PDE4D: variants seen among roughly 807,000 people sequenced by gnomAD.
PDE4D encodes 3',5'-cyclic-AMP phosphodiesterase 4D.
PDE4D carries 24 observed loss-of-function variants against 87.4 expected under a neutral mutation model. The ratio of observed to expected loss-of-function variants is 0.27; its 90% CI spans 0.20 to 0.39. The LOEUF is 0.39. PDE4D is among the 10% of genes least tolerant of loss of function. PDE4D has a pLI of 1.00. For missense variants in PDE4D, 714 were observed against 1,041.0 expected, an observed-to-expected ratio of 0.69 and a Z score of 4.32; for synonymous variants, 384 against 383.2, an observed-to-expected ratio of 1.00 and a Z score of -0.02.
chr5:59,999,892 A>T (rs1022729185), intron 2 of PDE4D, among the ~76,000 whole-genome samples: 30 of 152,098 alleles, frequency 2.0e-4, no homozygotes, highest in African/African-American at 7.2e-4. Context: ...CAAACTTCAA[A>T]AAGAAAACAA....
intron 5 of PDE4D, among the ~76,000 whole-genome samples, chr5:59,132,936 ATTTC>A (rs1388959176): frequency 6.6e-6 from 1 of 152,152 alleles, no homozygotes; most frequent in African/African-American, 2.4e-5. Flanking sequence ...TGCACCAGGG[ATTTC>A]TTTATTTCTT....
intron 1 of PDE4D, among the ~76,000 whole-genome samples, chr5:59,267,954 G>C (rs1451280567): frequency 1.3e-5 from 2 of 152,050 alleles, no homozygotes; most frequent in East Asian, 3.9e-4. Context: ...TCTACACTGA[G>C]TTTCATTAAT....
intron 1 of PDE4D, among the ~76,000 whole-genome samples, chr5:59,880,735 C>T (rs1475304641): frequency 6.6e-6 from 1 of 152,140 alleles, no homozygotes; most frequent in Non-Finnish European, 1.5e-5. Flanking sequence ...TCACATTCTA[C>T]CAGGGAGTAA....
chr5:59,890,254 TACACACACAC>T (rs56258601), intron 1 of PDE4D, among the ~76,000 whole-genome samples: 6,608 of 145,188 alleles, frequency 0.046, 223 homozygotes, highest in African/African-American at 0.09. Context: ...GGTGCGCACG[TACACACACAC>T]ACACACACAC....
intron 1 of PDE4D, chr5:59,587,162 T>C (rs562562420): frequency 7.9e-4 from 205 of 260,044 alleles, no homozygotes; most frequent in Non-Finnish European, 5.9e-4. Flanking sequence ...CTGGCTGTTC[T>C]CTTTAAGTAA....
intron 1 of PDE4D, among the ~76,000 whole-genome samples, chr5:60,221,505 T>A (rs1744495514): frequency 6.6e-6 from 1 of 152,120 alleles, no homozygotes; most frequent in Non-Finnish European, 1.5e-5. Context: ...CAGGGTATAA[T>A]TTACATATAA....
intron 1 of PDE4D, among the ~76,000 whole-genome samples, chr5:59,678,588 C>A (rs1177206841): frequency 6.6e-6 from 1 of 152,106 alleles, no homozygotes; most frequent in Non-Finnish European, 1.5e-5. Flanking sequence ...GCCTCAGGCG[C>A]CTGAGTAGCT....
At chr5:59,660,915 A>T (rs1345808822) in intron 1 of PDE4D, among the ~76,000 whole-genome samples, 1 of 151,804 alleles carries the variant, frequency 6.6e-6, no homozygotes, top group Non-Finnish European at 1.5e-5. Flanking sequence ...ATGTCTTCAA[A>T]CTCTAATCTA....
intron 1 of PDE4D, among the ~76,000 whole-genome samples, chr5:59,707,496 T>C (rs1425015846): frequency 4.6e-5 from 7 of 152,118 alleles, no homozygotes; most frequent in African/African-American, 1.4e-4. Context: ...AAATAAGATT[T>C]TTTTTAGGTT....
intron 1 of PDE4D, among the ~76,000 whole-genome samples, chr5:60,504,306 C>T (rs779766872): frequency 2.0e-5 from 3 of 151,308 alleles, no homozygotes; most frequent in East Asian, 2.0e-4. Context: ...TTTTGTATAA[C>T]TACAGCCTGC....
intron 2 of PDE4D, among the ~76,000 whole-genome samples, chr5:60,179,941 A>G (rs1348962789): frequency 6.6e-6 from 1 of 152,166 alleles, no homozygotes; most frequent in African/African-American, 2.4e-5. Flanking sequence ...TGTCTGTAAG[A>G]ATAATTTTTT....
At chr5:59,609,002 A>G (rs947202968) in intron 1 of PDE4D, among the ~76,000 whole-genome samples, 3 of 152,116 alleles carry the variant, frequency 2.0e-5, no homozygotes, top group Non-Finnish European at 4.4e-5. Flanking sequence ...CAACAACTAT[A>G]TGAGTCACTG....
chr5:60,095,792 C>A (rs768565444), intron 2 of PDE4D, among the ~76,000 whole-genome samples: 1 of 152,000 alleles, frequency 6.6e-6, no homozygotes, highest in Non-Finnish European at 1.5e-5. Context: ...TTCTAACTGG[C>A]GTGAGATGGT....
intron 1 of PDE4D, among the ~76,000 whole-genome samples, chr5:59,681,284 T>C (rs1748958541): frequency 6.6e-6 from 1 of 152,106 alleles, no homozygotes; most frequent in African/African-American, 2.4e-5. Flanking sequence ...AGATAAATAA[T>C]GATATTAACC....
chr5:59,184,875 C>T (rs969568023), intron 4 of PDE4D, among the ~76,000 whole-genome samples: 1 of 152,090 alleles, frequency 6.6e-6, no homozygotes, highest in Admixed American at 6.6e-5. Context: ...TATTCACCCA[C>T]GGTTAATTTA....
In PDE4D at chr5:59,357,492, T is replaced by C. The variant is rs181826895; in HGVS notation, c.456-141524A>G. On this transcript the variant is annotated intron_variant, in intron 1 of 14. Coordinates refer to ENST00000340635, the MANE Select transcript of PDE4D (RefSeq NM_001104631.2). ...ACCAGCGCCTCTCTAAAAGTCAGTG[T>C]GAGAAAAAAAAACAGGCAGATCACT... is the stretch of plus-strand genomic sequence containing the variant. 3.9e-5 allele frequency among the ~76,000 whole-genome samples: 6 copies of C among 152,120 alleles called. No individual in the cohort carries two copies. The South Asian group carries it at 1.0e-3, about 26-fold the overall frequency.
intron 1 of PDE4D, among the ~76,000 whole-genome samples, chr5:60,185,979 C>T (rs997354291): frequency 1.3e-5 from 2 of 148,166 alleles, no homozygotes; most frequent in Non-Finnish European, 3.0e-5. Flanking sequence ...CCTAAAGTTA[C>T]ATGTATAAAA....
At chr5:59,599,587 T>A (rs904108746) in intron 1 of PDE4D, among the ~76,000 whole-genome samples, 6 of 152,242 alleles carry the variant, frequency 3.9e-5, no homozygotes, top group Middle Eastern at 3.4e-3. Context: ...CTGGGTACTG[T>A]TAGGCAATAG....
chr5:60,464,446 C>A (rs1747191625), intron 1 of PDE4D, among the ~76,000 whole-genome samples: 1 of 152,164 alleles, frequency 6.6e-6, no homozygotes, highest in South Asian at 2.1e-4. Context: ...TGGATATTAT[C>A]ATCACAGGCA....
Sources: allele counts gnomAD v4.1 joint callset (sites outside exome capture counted in the v4.1 genomes callset), GRCh38; gene constraint gnomAD v4.1.1; transcripts MANE v1.5; gene names NCBI Gene and HGNC (gene_info 2026-07-23, HGNC 2026-07-21).